Variants in ASPH observed in about 807,000 individuals in gnomAD.
ASPH encodes the protein aspartyl/asparaginyl beta-hydroxylase.
Under a neutral mutation model 118.4 loss-of-function variants are expected in ASPH, and 100 were observed. That is an observed-to-expected ratio of 0.84 (90% CI 0.72 to 1.00). The LOEUF is 1.00. ASPH is among the 50% of genes least tolerant of loss of function. The pLI, the probability that ASPH is intolerant of heterozygous loss-of-function variation, is 0.00. For missense variants in ASPH, 920 were observed against 919.5 expected, an observed-to-expected ratio of 1.00 and a Z score of -0.01; for synonymous variants, 315 against 325.6, an observed-to-expected ratio of 0.97 and a Z score of 0.35.
chr8:61,696,688 T>C (rs868371544), intron 1 of ASPH, among the ~76,000 whole-genome samples: 2 of 151,356 alleles, frequency 1.3e-5, no homozygotes, highest in East Asian at 3.9e-4. Context: ...CTCTGAGCTA[T>C]TCAATTGTCC....
At chr8:61,626,344 A>T in intron 13 of ASPH, 1 of 1,388,280 alleles carries the variant, frequency 7.2e-7, no homozygotes, top group Admixed American at 3.1e-5. Flanking sequence ...AAACTGCTTC[A>T]TTTTCATTCT....
chr8:61,523,283 T>C (rs1183719275), intron 22 of ASPH, among the ~76,000 whole-genome samples: 1 of 151,820 alleles, frequency 6.6e-6, no homozygotes, highest in East Asian at 1.9e-4. Flanking sequence ...GCTACGATAG[T>C]ACTTGCCATC....
intron 14 of ASPH, among the ~76,000 whole-genome samples, chr8:61,602,459 A>G (rs1175621962): frequency 6.6e-6 from 1 of 151,508 alleles, no homozygotes; most frequent in Non-Finnish European, 1.5e-5. Context: ...CAATCTGAGA[A>G]TGAGCATCTA....
intron 21 of ASPH, among the ~76,000 whole-genome samples, chr8:61,533,396 G>A (rs191960767): frequency 5.9e-4 from 90 of 152,122 alleles, no homozygotes; most frequent in African/African-American, 2.1e-3. Context: ...GTATATTAGA[G>A]GTATTATTTT....
At chr8:61,664,797 C>A in intron 3 of ASPH, 1 of 986,272 alleles carries the variant, frequency 1.0e-6, no homozygotes, top group South Asian at 4.7e-5. Flanking sequence ...GAGGTGTCCA[C>A]GAAAGAGAAA....
intron 2 of ASPH, among the ~76,000 whole-genome samples, chr8:61,681,752 A>C (rs138383159): frequency 5.9e-5 from 9 of 152,046 alleles, no homozygotes; most frequent in African/African-American, 2.2e-4. Flanking sequence ...AGAAGACAAT[A>C]CTACCAAAAC....
intron 3 of ASPH, chr8:61,680,608 T>C (rs1827563997): frequency 6.4e-6 from 1 of 156,600 alleles, no homozygotes; most frequent in African/African-American, 2.4e-5. Flanking sequence ...GAAGTGAATG[T>C]GTAATGTTAA....
At chr8:61,609,132 G>A (rs991978106) in intron 14 of ASPH, among the ~76,000 whole-genome samples, 8 of 152,212 alleles carry the variant, frequency 5.3e-5, no homozygotes, top group African/African-American at 1.9e-4. Context: ...TCCTGGCACT[G>A]AGCTCATGCC....
At chr8:61,614,575 C>T (rs1212747795) in intron 14 of ASPH, among the ~76,000 whole-genome samples, 1 of 152,202 alleles carries the variant, frequency 6.6e-6, no homozygotes, top group East Asian at 1.9e-4. Flanking sequence ...AGCATCGATC[C>T]TCCTACCTCA....
chr8:61,703,612 A>C (rs1408598266), intron 1 of ASPH, among the ~76,000 whole-genome samples: 1 of 152,206 alleles, frequency 6.6e-6, no homozygotes, highest in Non-Finnish European at 1.5e-5. Flanking sequence ...AAAAGGCAGA[A>C]AGAAACTAAA....
intron 3 of ASPH, among the ~76,000 whole-genome samples, chr8:61,674,795 G>A (rs1824440053): frequency 6.6e-6 from 1 of 152,130 alleles, no homozygotes; most frequent in Non-Finnish European, 1.5e-5. Context: ...AGATATAGAA[G>A]ACAAGAAATA....
At chr8:61,595,491 A>G (rs1842260693) in intron 14 of ASPH, among the ~76,000 whole-genome samples, 1 of 152,246 alleles carries the variant, frequency 6.6e-6, no homozygotes, top group South Asian at 2.1e-4. Context: ...GTAGTGAAAA[A>G]TAACAATAAA....
At chr8:61,665,298 T>C in intron 3 of ASPH, 1 of 1,612,988 alleles carries the variant, frequency 6.2e-7, no homozygotes, top group Middle Eastern at 1.7e-4. Context: ...TGTGCATATC[T>C]GGTAGAACTT....
At chr8:61,677,115 T>A (rs938931702) in intron 3 of ASPH, among the ~76,000 whole-genome samples, 3 of 152,114 alleles carry the variant, frequency 2.0e-5, no homozygotes, top group African/African-American at 7.2e-5. Context: ...TCACTTGCAA[T>A]AGGAACATTC....
chr8:61,503,570 C>T (rs910104377), intron 24 of ASPH, 61 bp from the exon 25 acceptor site: 10 of 1,468,722 alleles, frequency 6.8e-6, no homozygotes, highest in African/African-American at 1.4e-5. Flanking sequence ...GTCTGAGGAT[C>T]GATTCCTGTC....
Position 61,649,274 on chromosome 8 carries a change from A to G in ASPH, c.490+1776T>C, listed in dbSNP as rs942784216. On this transcript the variant is annotated intron_variant, in intron 5 of 24. Transcript: ENST00000379454. ...GAAGAAAAATCAAAGAAAACTCTCGAGTTTTCAAGTTAAGCAAGTAAGAGG... is the reference window on the plus strand; with the variant it reads ...GAAGAAAAATCAAAGAAAACTCTCGGGTTTTCAAGTTAAGCAAGTAAGAGG... Among the ~76,000 whole-genome samples, 8 of 152,166 alleles carry G rather than the reference A, an allele frequency of 5.3e-5. No homozygotes were observed. The East Asian group carries it at 1.4e-3, about 26-fold the overall frequency.
chr8:61,601,536 T>A (rs1427682238), intron 14 of ASPH, among the ~76,000 whole-genome samples: 2 of 140,574 alleles, frequency 1.4e-5, no homozygotes, highest in African/African-American at 2.8e-5. Context: ...TGAGACTCCA[T>A]CTCAAAAAAA....
intron 12 of ASPH, among the ~76,000 whole-genome samples, chr8:61,636,122 G>A (rs1431295973): frequency 6.6e-6 from 1 of 152,172 alleles, no homozygotes. Context: ...GAGAATAACA[G>A]AAGGGTTTAA....
At chr8:61,672,572 C>A (rs555715191) in intron 3 of ASPH, among the ~76,000 whole-genome samples, 33 of 148,082 alleles carry the variant, frequency 2.2e-4, no homozygotes, top group African/African-American at 7.8e-4. Flanking sequence ...ACTCCTCATC[C>A]TTCAGGACCC....
Sources: gnomAD v4.1 joint callset for allele counts (sites outside exome capture counted in the v4.1 genomes callset) on GRCh38, gnomAD v4.1.1 for gene constraint, MANE v1.5 for transcripts, NCBI Gene and HGNC (gene_info 2026-07-23, HGNC 2026-07-21) for gene names.